Variants in TMPRSS9 observed in about 807,000 individuals in gnomAD.
The protein encoded by TMPRSS9 is transmembrane serine protease 9, also known as transmembrane protease serine 9.
In TMPRSS9, 113 loss-of-function variants were observed where a neutral mutation model predicts 111.4. The ratio of observed to expected loss-of-function variants is 1.01; its 90% CI spans 0.87 to 1.19. The LOEUF (loss-of-function observed/expected upper bound fraction) is 1.19, where lower values mean the gene tolerates loss of function less well. TMPRSS9 is among the 50% of genes most tolerant of loss of function. The pLI, the probability that TMPRSS9 is intolerant of heterozygous loss-of-function variation, is 0.00. For missense variants in TMPRSS9, 1,803 were observed against 1,513.1 expected (o/e 1.19, Z -3.18); for synonymous variants, 805 against 659.1 (o/e 1.22, Z -3.39).
At chr19:2,387,588 G>A (rs1970503879), upstream of TMPRSS9, among the ~76,000 whole-genome samples, 1 of 151,608 alleles carries the variant, frequency 6.6e-6, no homozygotes, top group Non-Finnish European at 1.5e-5. Context: ...AGGGAAGGGA[G>A]AAAGGAAAAT....
chr19:2,361,592 C>T (rs1970199214), intron 1 of TMPRSS9, among the ~76,000 whole-genome samples: 1 of 152,146 alleles, frequency 6.6e-6, no homozygotes, highest in African/African-American at 2.4e-5. Context: ...GAAACCCAGG[C>T]TGGGGACCGT....
chr19:2,416,853 G>A, intron 12 of TMPRSS9, 44 bp downstream of exon 13: 2 of 1,563,050 alleles, frequency 1.3e-6, no homozygotes, highest in Non-Finnish European at 1.7e-6. Flanking sequence ...TTATTCTCCA[G>A]GGCCTGGCCT....
intron 1 of TMPRSS9, among the ~76,000 whole-genome samples, chr19:2,394,937 T>C (rs992693607): frequency 4.6e-5 from 7 of 152,224 alleles, no homozygotes; most frequent in African/African-American, 1.7e-4. Context: ...TTATGACTAT[T>C]ATTTTTGCTG....
At chr19:2,371,362 G>T (rs1970289188) in intron 1 of TMPRSS9, among the ~76,000 whole-genome samples, 1 of 152,156 alleles carries the variant, frequency 6.6e-6, no homozygotes, top group Non-Finnish European at 1.5e-5. Flanking sequence ...GAAGTCGGTA[G>T]GTTGGCCAGA....
chr19:2,391,358 C>G (rs1291818638), intron 1 of TMPRSS9, among the ~76,000 whole-genome samples: 1 of 116,888 alleles, frequency 8.6e-6, no homozygotes, highest in Admixed American at 8.2e-5. Flanking sequence ...GAGAATCCTC[C>G]TAGGTTTTTT....
chr19:2,365,805 A>ATT (rs1430510326), intron 1 of TMPRSS9, among the ~76,000 whole-genome samples: 1 of 151,816 alleles, frequency 6.6e-6, no homozygotes, highest in Non-Finnish European at 1.5e-5. Flanking sequence ...CTGTACAAAA[A>ATT]CTAAAAAAAT....
chr19:2,367,557 G>A (rs1970257155), intron 1 of TMPRSS9, among the ~76,000 whole-genome samples: 1 of 136,502 alleles, frequency 7.3e-6, no homozygotes, highest in Non-Finnish European at 1.5e-5. Context: ...ACCATGACTG[G>A]CTAATTTTTT....
intron 14 of TMPRSS9, among the ~76,000 whole-genome samples, chr19:2,423,051 TAAAAAAATTAAAAAAAAAA>T (rs1344363556): frequency 4.2e-4 from 61 of 144,720 alleles, no homozygotes; most frequent in Non-Finnish European, 7.8e-4. Flanking sequence ...AGCCTGTCTC[TAAAAAAATTAAAAAAAAAA>T]AAAAAAATGA....
upstream of TMPRSS9, among the ~76,000 whole-genome samples, chr19:2,388,820 C>T (rs1970526591): frequency 6.6e-6 from 1 of 151,742 alleles, no homozygotes; most frequent in Non-Finnish European, 1.5e-5. Context: ...ATGGGGGTCT[C>T]ACTATATTGC....
chr19:2,384,237 G>A (rs1970426523), intron 1 of TMPRSS9, among the ~76,000 whole-genome samples: 2 of 152,202 alleles, frequency 1.3e-5, no homozygotes, highest in South Asian at 4.1e-4. Flanking sequence ...CAGGGGAGCT[G>A]AGGCGGAGGG....
intron 2 of TMPRSS9, 87 bp from the exon 4 acceptor site, chr19:2,398,708 G>A (rs1970760342): frequency 2.2e-6 from 2 of 912,100 alleles, no homozygotes; most frequent in Non-Finnish European, 3.1e-6. Context: ...CCCTTCTCCA[G>A]CTCCCTCCAA....
upstream of TMPRSS9, chr19:2,389,748 G>C (rs1970545750): frequency 6.3e-7 from 1 of 1,589,864 alleles, no homozygotes; most frequent in Non-Finnish European, 8.6e-7. Flanking sequence ...CTGTCTTGCT[G>C]TGTGGCATCC....
exon 18 of TMPRSS9, chr19:2,426,154 C>T: frequency 1.5e-6 from 2 of 1,370,408 alleles, no homozygotes; most frequent in African/African-American, 2.5e-5. Flanking sequence ...CCACCCAACA[C>T]CCCACCCCAC....
At chr19:2,370,486 C>A (rs980543755) in intron 1 of TMPRSS9, among the ~76,000 whole-genome samples, 2 of 151,306 alleles carry the variant, frequency 1.3e-5, no homozygotes, top group Non-Finnish European at 2.9e-5. Context: ...CTACACCATG[C>A]CTGGCTCATT....
intron 7 of TMPRSS9, among the ~76,000 whole-genome samples, chr19:2,408,062 A>G (rs10414146): frequency 0.32 from 47,898 of 149,390 alleles, 8,451 homozygotes; most frequent in African/African-American, 0.46. Context: ...GATTACAGGC[A>G]TGAGCCACCG....
chr19:2,401,639 G>A (rs1027770478), intron 4 of TMPRSS9, among the ~76,000 whole-genome samples: 2 of 151,630 alleles, frequency 1.3e-5, no homozygotes, highest in African/African-American at 2.4e-5. Flanking sequence ...ATGGAGTCTC[G>A]CTCTGTCGCC....
Position 2,399,071 on chromosome 19 carries a change from C to T in TMPRSS9, c.392C>T (p.Pro131Leu), listed in dbSNP as rs1362523223. ...TTCCAGCTGCACTTTCTGCTGCGACCCCTCCAGACGCTGAGCCTGGGCCTG... is the reference window on the plus strand; with the variant it reads ...TTCCAGCTGCACTTTCTGCTGCGACTCCTCCAGACGCTGAGCCTGGGCCTG... Residue 131 changes from proline (P) to leucine (L), a missense_variant, in exon 4 of 18, where the codon CCC becomes CTC. By Grantham distance (98) the Pro-to-Leu change is moderately conservative. Coordinates refer to ENST00000648592, the Ensembl canonical transcript of TMPRSS9. The T allele has an allele frequency of 7.4e-6, 12 of 1,613,452 alleles. No homozygotes were observed. Among genetic ancestry groups the T allele is most frequent in the African/African-American group, 5.3e-5 (4 of 74,928 alleles).
At chr19:2,399,855 C>T (rs183028585) in intron 4 of TMPRSS9, among the ~76,000 whole-genome samples, 6 of 152,046 alleles carry the variant, frequency 3.9e-5, no homozygotes, top group East Asian at 3.9e-4. Flanking sequence ...GACTCACTCC[C>T]GAGTAGCTGG....
intron 4 of TMPRSS9, among the ~76,000 whole-genome samples, chr19:2,401,284 A>AT (rs1202319985): frequency 2.0e-5 from 3 of 152,002 alleles, no homozygotes; most frequent in Non-Finnish European, 4.4e-5. Flanking sequence ...AAAAAAAAAA[A>AT]GTCACCTTGA....
Sources: allele counts gnomAD v4.1 joint callset (sites outside exome capture counted in the v4.1 genomes callset), GRCh38; gene constraint gnomAD v4.1.1; transcripts MANE v1.5; gene names NCBI Gene and HGNC (gene_info 2026-07-23, HGNC 2026-07-21).